PJA2: variants seen among roughly 807,000 people sequenced by gnomAD.
PJA2 encodes praja ring finger ubiquitin ligase 2.
In PJA2, 25 loss-of-function variants were observed where a neutral mutation model predicts 69.3. The observed-to-expected ratio is 0.36, with a 90% CI of 0.26 to 0.50. The LOEUF (loss-of-function observed/expected upper bound fraction) is 0.50, where lower values mean the gene tolerates loss of function less well. Among genes scored for constraint, PJA2 ranks in the 20% least tolerant of loss-of-function variants. The probability of loss-of-function intolerance (pLI) is 0.96; values close to 1 mark genes in which losing one functional copy is unlikely to be tolerated. For synonymous variants in PJA2, 308 were observed against 277.8 expected, an observed-to-expected ratio of 1.11 and a Z score of -1.08; for missense variants, 809 against 830.2, an observed-to-expected ratio of 0.97 and a Z score of 0.31.
chr5:109,404,386 TG>T (rs1398429748), intron 1 of PJA2, among the ~76,000 whole-genome samples: 3 of 151,722 alleles, frequency 2.0e-5, no homozygotes, highest in Admixed American at 1.3e-4. Flanking sequence ...CCAGGCATGG[TG>T]ACATACGCCT....
At chr5:109,404,824 T>C (rs1327547218) in intron 1 of PJA2, among the ~76,000 whole-genome samples, 2 of 152,200 alleles carry the variant, frequency 1.3e-5, no homozygotes, top group Non-Finnish European at 2.9e-5. Context: ...GCATTCAAGC[T>C]ATAGCACCAC....
intron 7 of PJA2, among the ~76,000 whole-genome samples, chr5:109,353,223 T>C (rs1762300613): frequency 7.0e-6 from 1 of 142,694 alleles, no homozygotes; most frequent in African/African-American, 2.5e-5. Flanking sequence ...TAGATATCTA[T>C]ATATTAGATA....
At position 109,381,659 on chromosome 5, in the gene PJA2, C is replaced by T; in HGVS notation, c.76G>A (p.Gly26Arg). The change falls in exon 3 of 10, where the codon GGA (glycine) becomes AGA (arginine). Residue 26 changes from glycine to arginine, a missense_variant. This residue lies in a region of PJA2 where 700 missense variants were observed against 639.5 expected (regional missense o/e 1.09). Coordinates refer to ENST00000361189, the MANE Select transcript of PJA2 (RefSeq NM_014819.5). The stretch of plus-strand genomic sequence containing the variant: ...CTGCCTGTAATTGTCTGATACCCTC[C>T]TGCTGGTTTGGGCCAGACAGCCTTA... ...SGKAVWPKPAGGYQTITGRRY... is the reference protein window; with the variant it reads ...SGKAVWPKPARGYQTITGRRY... The T allele has an allele frequency of 6.2e-7, 1 of 1,614,034 alleles. No individual in the cohort carries two copies. Among genetic ancestry groups the T allele is most frequent in the South Asian group, 1.1e-5 (1 of 91,086 alleles).
At chr5:109,358,684 G>T (rs1035687346) in intron 6 of PJA2, among the ~76,000 whole-genome samples, 1 of 152,072 alleles carries the variant, frequency 6.6e-6, no homozygotes, top group East Asian at 1.9e-4. Context: ...GCCAGGCATT[G>T]GTAGCTCATG....
At chr5:109,405,969 T>C (rs922412156) in intron 1 of PJA2, among the ~76,000 whole-genome samples, 1 of 151,888 alleles carries the variant, frequency 6.6e-6, no homozygotes, top group Non-Finnish European at 1.5e-5. Context: ...TGTGTTTATG[T>C]ATCTCTGTGT....
intron 7 of PJA2, among the ~76,000 whole-genome samples, chr5:109,346,429 A>T (rs985261363): frequency 6.6e-6 from 1 of 152,250 alleles, no homozygotes; most frequent in African/African-American, 2.4e-5. Context: ...AGAACTGAAA[A>T]CAGGGACTAA....
chr5:109,409,974 T>TGGCGGCGGC (rs1478390887), upstream of PJA2: 8 of 219,020 alleles, frequency 3.7e-5, no homozygotes, highest in South Asian at 5.2e-5. Flanking sequence ...GCGGCGGCGG[T>TGGCGGCGGC]GGCGGCGGCG....
chr5:109,400,592 T>C (rs1747519947), intron 1 of PJA2, among the ~76,000 whole-genome samples: 4 of 152,060 alleles, frequency 2.6e-5, no homozygotes, highest in South Asian at 2.1e-4. Context: ...CCCAAGAAGC[T>C]CAGTGATTCC....
chr5:109,339,216 A>T (rs1376353699), intron 9 of PJA2, among the ~76,000 whole-genome samples: 2 of 152,238 alleles, frequency 1.3e-5, no homozygotes, highest in Non-Finnish European at 2.9e-5. Flanking sequence ...TGAGAAGGGA[A>T]GTACATTATC....
intron 9 of PJA2, among the ~76,000 whole-genome samples, chr5:109,337,964 G>C (rs927872194): frequency 6.6e-6 from 1 of 152,054 alleles, no homozygotes; most frequent in Middle Eastern, 3.2e-3. Context: ...AGAGTGTTAG[G>C]TGCCTTCTAA....
intron 1 of PJA2, among the ~76,000 whole-genome samples, chr5:109,408,501 T>C (rs1313736279): frequency 1.3e-5 from 2 of 152,132 alleles, no homozygotes; most frequent in African/African-American, 4.8e-5. Context: ...AAGCAAGCGG[T>C]ATGCAAACAT....
intron 1 of PJA2, among the ~76,000 whole-genome samples, chr5:109,396,762 GA>G (rs57999992): frequency 0.77 from 67,249 of 87,812 alleles, 24,279 homozygotes; most frequent in African/African-American, 0.83. Context: ...ACCAAAAAAA[GA>G]AAAAAAAAAA....
In PJA2 at chr5:109,379,200, T is replaced by G; in HGVS notation, c.287A>C (p.Glu96Ala). The G allele has an allele frequency of 1.2e-6, 2 of 1,614,000 alleles. No individual in the cohort carries two copies. The highest frequency in any genetic ancestry group is 1.7e-6 in the Non-Finnish European group (2 of 1,179,972). The change falls in exon 4 of 10, where the codon GAA becomes GCA. Residue 96 changes from glutamate (E) to alanine (A), a missense_variant. Around this residue, in one of 4 missense-constraint regions of PJA2, gnomAD observed 700 missense variants for 639.5 expected, o/e 1.09. Transcript: ENST00000361189. ...AGTGGGAATTTCTGTTTCACTTTTT[T>G]CAAATATAGGTTCACTGGGTAAAGA... ...DSSLPSEPIF[E>A]KSETEIPTCG...
intron 6 of PJA2, 79 bp from the exon 7 acceptor site, chr5:109,356,105 G>A (rs914403431): frequency 1.1e-6 from 1 of 877,828 alleles, no homozygotes; most frequent in South Asian, 1.5e-5. Context: ...AATTATATTA[G>A]CATACTGACA....
In PJA2 at chr5:109,354,131, G is replaced by T. The variant is rs1762348276; in HGVS notation, c.1764+1784C>A. Among the ~76,000 whole-genome samples the T allele has an allele frequency of 1.7e-5, 2 of 114,972 alleles. 1 individual carries two copies. Among genetic ancestry groups the T allele is most frequent in the Non-Finnish European group, 3.8e-5 (2 of 53,206 alleles). The allele number at this position is 114,972 out of a possible 152,430, so 75.4% of individuals were successfully genotyped here. A position where few individuals can be genotyped will look rare whatever the true frequency, so the allele number is the denominator to read the frequency against. On this transcript the variant is annotated intron_variant, in intron 7 of 9. Transcript: ENST00000361189. Reference sequence around the variant, plus strand: ...ATAGATTAGATATCTATGGTATCTAGAGCTGTCTATAGATTAGATATCTAT... The same window carrying T: ...ATAGATTAGATATCTATGGTATCTATAGCTGTCTATAGATTAGATATCTAT...
chr5:109,383,338 G>A, intron 2 of PJA2, 65 bp downstream of exon 2: 1 of 1,402,064 alleles, frequency 7.1e-7, no homozygotes, highest in Admixed American at 1.7e-5. Flanking sequence ...GTCACTTACT[G>A]GTACTCAAGG....
chr5:109,384,488 G>C (rs1400804886), intron 1 of PJA2, among the ~76,000 whole-genome samples: 1 of 151,960 alleles, frequency 6.6e-6, no homozygotes, highest in Non-Finnish European at 1.5e-5. Flanking sequence ...GCAACCTGTG[G>C]TTTTTTTGAA....
In PJA2 at chr5:109,384,959, G is replaced by A. The variant is rs145433271; in HGVS notation, c.-87-1439C>T. On this transcript the variant is annotated intron_variant, in intron 1 of 9. Coordinates refer to ENST00000361189, the MANE Select transcript of PJA2 (RefSeq NM_014819.5). ...CAGCCTCCCAGTAGCTGGGACTGTAGGCGTGTGCCACCATGCCCGGCTAAT... is the reference window on the plus strand; with the variant it reads ...CAGCCTCCCAGTAGCTGGGACTGTAAGCGTGTGCCACCATGCCCGGCTAAT... 1.4e-3 allele frequency among the ~76,000 whole-genome samples: 210 copies of A among 152,208 alleles called. 6 individuals carry two copies. The East Asian group carries it at 0.032, about 24-fold the overall frequency.
intron 4 of PJA2, among the ~76,000 whole-genome samples, chr5:109,373,166 G>A (rs181200398): frequency 1.3e-5 from 2 of 152,188 alleles, no homozygotes; most frequent in Admixed American, 1.3e-4. Flanking sequence ...TGACAGAATA[G>A]AGACAGTGGG....
Sources: gnomAD v4.1 joint callset for allele counts (sites outside exome capture counted in the v4.1 genomes callset) on GRCh38, gnomAD v4.1.1 for gene constraint, gnomAD v4.1.1 regional missense constraint, MANE v1.5 for transcripts, NCBI Gene and HGNC (gene_info 2026-07-23, HGNC 2026-07-21) for gene names.